Variants in TMEM132D observed in about 807,000 individuals in gnomAD.
TMEM132D encodes mature OL transmembrane protein.
Under a neutral mutation model 62.3 loss-of-function variants are expected in TMEM132D, and 21 were observed. The ratio of observed to expected loss-of-function variants is 0.34; its 90% CI spans 0.24 to 0.49. The LOEUF (loss-of-function observed/expected upper bound fraction) is 0.49, where lower values mean the gene tolerates loss of function less well. TMEM132D is among the 20% of genes least tolerant of loss of function. The pLI, the probability that TMEM132D is intolerant of heterozygous loss-of-function variation, is 0.99. For missense variants in TMEM132D, 1,346 were observed against 1,402.8 expected, an observed-to-expected ratio of 0.96 and a Z score of 0.65; for synonymous variants, 621 against 575.6, an observed-to-expected ratio of 1.08 and a Z score of -1.13.
rs531166325 is a variant in TMEM132D, at chr12:129,521,132, G to T, written c.1115+9927C>A. On this transcript the variant is annotated intron_variant, in intron 3 of 8. Coordinates refer to ENST00000422113, the MANE Select transcript of TMEM132D (RefSeq NM_133448.3). Reference sequence around the variant, plus strand: ...CAATTACATCACATGTTGGTATTCTGTCCACAAAACAGAAACCCATTTTAC... The same window carrying T: ...CAATTACATCACATGTTGGTATTCTTTCCACAAAACAGAAACCCATTTTAC... 1.9e-4 allele frequency among the ~76,000 whole-genome samples: 29 copies of T among 152,210 alleles called. No homozygotes were observed. In the East Asian group the frequency reaches 4.8e-3, roughly 25 times the overall value.
chr12:129,803,911 C>A (rs1314101456), intron 1 of TMEM132D, among the ~76,000 whole-genome samples: 19 of 139,214 alleles, frequency 1.4e-4, no homozygotes, highest in Non-Finnish European at 2.2e-4. Context: ...ACTACAAACA[C>A]CTCTACGCAA....
intron 3 of TMEM132D, among the ~76,000 whole-genome samples, chr12:129,443,597 A>C (rs7138435): frequency 1.3e-5 from 2 of 151,072 alleles, no homozygotes; most frequent in Middle Eastern, 3.4e-3. Context: ...CTCTTTCTCT[A>C]TTCTTTCCAT....
intron 2 of TMEM132D, among the ~76,000 whole-genome samples, chr12:129,657,199 C>G (rs1880109631): frequency 6.6e-6 from 1 of 152,204 alleles, no homozygotes; most frequent in Non-Finnish European, 1.5e-5. Flanking sequence ...CACCAGCCCT[C>G]CAGTAACATG....
intron 4 of TMEM132D, among the ~76,000 whole-genome samples, chr12:129,334,179 T>C (rs1272752957): frequency 1.3e-5 from 2 of 152,178 alleles, no homozygotes; most frequent in African/African-American, 4.8e-5. Context: ...CTTAACTGCC[T>C]TTTAAATAAT....
intron 1 of TMEM132D, among the ~76,000 whole-genome samples, chr12:129,872,521 G>A (rs958566677): frequency 1.3e-5 from 2 of 152,178 alleles, no homozygotes; most frequent in Non-Finnish European, 2.9e-5. Context: ...AAGAACTAAT[G>A]TTCTATCAAG....
intron 3 of TMEM132D, among the ~76,000 whole-genome samples, chr12:129,524,899 T>G (rs1875966818): frequency 6.7e-6 from 1 of 150,094 alleles, no homozygotes; most frequent in African/African-American, 2.4e-5. Flanking sequence ...GAAAAACATT[T>G]TATTATTTTC....
intron 2 of TMEM132D, among the ~76,000 whole-genome samples, chr12:129,645,387 G>C (rs1879747949): frequency 6.6e-6 from 1 of 152,120 alleles, no homozygotes. Flanking sequence ...GGGTGGTATA[G>C]AAGCTTCTAT....
At chr12:129,186,358 TCTGA>T (rs1280562378) in intron 5 of TMEM132D, among the ~76,000 whole-genome samples, 6 of 152,188 alleles carry the variant, frequency 3.9e-5, no homozygotes, top group African/African-American at 2.4e-5. Context: ...ATGCAAGGAC[TCTGA>T]CTGTCATCCC....
chr12:129,474,624 G>A (rs574557114), intron 3 of TMEM132D, among the ~76,000 whole-genome samples: 8 of 152,144 alleles, frequency 5.3e-5, no homozygotes, highest in Admixed American at 1.3e-4. Context: ...CAGCCTTCTC[G>A]TCCCTTCGCG....
chr12:129,496,039 G>A (rs953679254), intron 3 of TMEM132D, among the ~76,000 whole-genome samples: 2 of 152,240 alleles, frequency 1.3e-5, no homozygotes, highest in East Asian at 3.9e-4. Flanking sequence ...TTTTTGTGGT[G>A]GGAAGAGATT....
intron 3 of TMEM132D, among the ~76,000 whole-genome samples, chr12:129,485,992 T>G (rs753448984): frequency 2.4e-4 from 37 of 152,252 alleles, no homozygotes; most frequent in Non-Finnish European, 5.1e-4. Flanking sequence ...CCCAGCCTGA[T>G]GTCCAACAGC....
chr12:129,459,312 T>A (rs1873581614), intron 3 of TMEM132D, among the ~76,000 whole-genome samples: 1 of 152,214 alleles, frequency 6.6e-6, no homozygotes, highest in South Asian at 2.1e-4. Flanking sequence ...TTTCCTCTTC[T>A]GCGATGATTT....
At chr12:129,432,590 T>G (rs1056421574) in intron 3 of TMEM132D, among the ~76,000 whole-genome samples, 1 of 152,210 alleles carries the variant, frequency 6.6e-6, no homozygotes, top group Non-Finnish European at 1.5e-5. Context: ...CTCTGTAGTG[T>G]GAGACATCTT....
intron 4 of TMEM132D, among the ~76,000 whole-genome samples, chr12:129,236,712 T>C (rs949839779): frequency 1.3e-5 from 2 of 152,166 alleles, no homozygotes; most frequent in African/African-American, 4.8e-5. Flanking sequence ...GAATGCCTTT[T>C]GTTTTTTTAA....
At chr12:129,298,383 G>C (rs1046209726) in intron 4 of TMEM132D, among the ~76,000 whole-genome samples, 6 of 152,136 alleles carry the variant, frequency 3.9e-5, no homozygotes, top group South Asian at 2.1e-4. Context: ...TTGATATTTT[G>C]ATACATATAT....
At chr12:129,592,803 G>A (rs752955460) in intron 2 of TMEM132D, among the ~76,000 whole-genome samples, 37 of 152,212 alleles carry the variant, frequency 2.4e-4, no homozygotes, top group Non-Finnish European at 4.7e-4. Flanking sequence ...GTGCAAAAGT[G>A]GGTCTCAGAA....
At chr12:129,606,281 G>C (rs901121806) in intron 2 of TMEM132D, among the ~76,000 whole-genome samples, 2 of 152,084 alleles carry the variant, frequency 1.3e-5, no homozygotes, top group African/African-American at 4.8e-5. Flanking sequence ...ATTGTTGATC[G>C]AGCCGGTCCA....
chr12:129,081,616 T>G (rs1874448072), intron 7 of TMEM132D, 143 bp downstream of exon 7: 2 of 1,256,648 alleles, frequency 1.6e-6, no homozygotes, highest in African/African-American at 3.0e-5. Context: ...TTGTATTGCT[T>G]ACTCCACAAT....
At chr12:129,781,374 C>G (rs1871113631) in intron 1 of TMEM132D, among the ~76,000 whole-genome samples, 3 of 152,148 alleles carry the variant, frequency 2.0e-5, no homozygotes, top group Admixed American at 2.0e-4. Flanking sequence ...AGACATGTTT[C>G]TCAGTACGTT....
Sources: allele counts gnomAD v4.1 joint callset (sites outside exome capture counted in the v4.1 genomes callset), GRCh38; gene constraint gnomAD v4.1.1; transcripts MANE v1.5; gene names NCBI Gene and HGNC (gene_info 2026-07-23, HGNC 2026-07-21).